TTC34: variants seen among roughly 807,000 people sequenced by gnomAD.
The protein encoded by TTC34 is tetratricopeptide repeat protein 34.
Under a neutral mutation model 40.7 loss-of-function variants are expected in TTC34, and 44 were observed. The observed-to-expected ratio is 1.08, with a 90% CI of 0.85 to 1.39. TTC34 has a LOEUF of 1.39. TTC34 is among the 40% of genes most tolerant of loss of function. The pLI, the probability that TTC34 is intolerant of heterozygous loss-of-function variation, is 0.00. For synonymous variants in TTC34, 422 were observed against 398.6 expected (o/e 1.06, Z -0.70); for missense variants, 884 against 838.0 (o/e 1.05, Z -0.68).
At chr1:2,801,215 A>C (rs368313790) in intron 1 of TTC34, among the ~76,000 whole-genome samples, 17 of 151,452 alleles carry the variant, frequency 1.1e-4, no homozygotes, top group African/African-American at 3.9e-4. Context: ...AGCAATAGGA[A>C]CCCCGGACCC....
chr1:2,653,393 T>C (rs1431607141), intron 6 of TTC34, among the ~76,000 whole-genome samples: 1 of 49,918 alleles, frequency 2.0e-5, no homozygotes, highest in Non-Finnish European at 4.3e-5. Flanking sequence ...TGACAGCATG[T>C]AACAGCACCC....
intron 7 of TTC34, 43 bp from the exon 8 acceptor site, chr1:2,644,521 C>T (rs1440900115): frequency 2.0e-6 from 3 of 1,509,760 alleles, no homozygotes; most frequent in East Asian, 2.5e-5. Flanking sequence ...TGGGGTTGGG[C>T]AGAGGTGCGA....
At chr1:2,652,426 C>G (rs1639174191) in intron 6 of TTC34, among the ~76,000 whole-genome samples, 2 of 152,062 alleles carry the variant, frequency 1.3e-5, no homozygotes, top group African/African-American at 2.4e-5. Flanking sequence ...CATCTGACAG[C>G]CTGGAACAGC....
At position 2,645,587 on chromosome 1, in the gene TTC34, G is replaced by GGGGGGGGCCCC; in HGVS notation, c.2227-25_2227-24insGGGGCCCCCCC. On this transcript the variant is annotated intron_variant, in intron 6 of 8. Transcript: ENST00000401095. The surrounding 1 kb of genome is among the most constrained non-coding windows in gnomAD (Gnocchi z 4.7). ...TCCTGCAAGGAGGGAGGGCGGGCGGGTGCAGAGTTGTCCTAAGTAGAGAAA... is the reference window on the plus strand; with the variant it reads ...TCCTGCAAGGAGGGAGGGCGGGCGGGGGGGGGGCCCCTGCAGAGTTGTCCTAAGTAGAGAAA... The GGGGGGGGCCCC allele has an allele frequency of 4.4e-6, 1 of 229,530 alleles. No individual in the cohort carries two copies. Among genetic ancestry groups the GGGGGGGGCCCC allele is most frequent in the Non-Finnish European group, 8.6e-6 (1 of 116,452 alleles). 14.2% of individuals were successfully genotyped at this position (229,530 alleles called of 1,614,324 possible). A position where few individuals can be genotyped will look rare whatever the true frequency, so the allele number is the denominator to read the frequency against.
intron 3 of TTC34, among the ~76,000 whole-genome samples, chr1:2,788,221 C>T (rs1175249870): frequency 1.3e-5 from 2 of 152,214 alleles, no homozygotes; most frequent in Non-Finnish European, 2.9e-5. Flanking sequence ...ATCAAAGCCA[C>T]GCAAATTAAA....
At chr1:2,767,775 G>C (rs1485197191) in intron 6 of TTC34, among the ~76,000 whole-genome samples, 1 of 146,920 alleles carries the variant, frequency 6.8e-6, no homozygotes, top group Non-Finnish European at 1.5e-5. Flanking sequence ...ACCCCCAGTT[G>C]AGCATCTGAC....
At chr1:2,761,338 C>G (rs1165865738) in intron 6 of TTC34, among the ~76,000 whole-genome samples, 5 of 72,318 alleles carry the variant, frequency 6.9e-5, no homozygotes, top group Admixed American at 1.3e-4. Flanking sequence ...AGGTGAGTAT[C>G]TGACAGCCTG....
exon 5 of TTC34, chr1:2,786,013 T>A: frequency 6.8e-7 from 1 of 1,468,596 alleles, no homozygotes; most frequent in Non-Finnish European, 9.1e-7. Flanking sequence ...CTGGACCAGC[T>A]TCTTCACCAA....
Position 2,681,604 on chromosome 1 carries a change from C to T in TTC34, c.2227-36041G>A, listed in dbSNP as rs1168389098. 6.6e-5 allele frequency among the ~76,000 whole-genome samples: 4 copies of T among 60,328 alleles called. 2 individuals are homozygous for T. Among genetic ancestry groups the T allele is most frequent in the Admixed American group, 3.5e-4 (2 of 5,720 alleles). The allele number at this position is 60,328 out of a possible 152,430, so 39.6% of individuals were successfully genotyped here. A position where few individuals can be genotyped will look rare whatever the true frequency, so the allele number is the denominator to read the frequency against. Reference sequence around the variant, plus strand: ...TCCACACCCACAGGTGAGCATCAGACAGCCTGGAACCGCAGCCACACCCCC... The same window carrying T: ...TCCACACCCACAGGTGAGCATCAGATAGCCTGGAACCGCAGCCACACCCCC... On this transcript the variant is annotated intron_variant, in intron 6 of 8. Coordinates refer to ENST00000401095, the Ensembl canonical transcript of TTC34.
rs1638993628 is a variant in TTC34, at chr1:2,645,137, A to C, written c.2497+156T>G. Reference sequence around the variant, plus strand: ...GAACGCCAGGCCTCACACAGGGAGCAGGGCCAGAGGTCATGGGATTTGGGG... The same window carrying C: ...GAACGCCAGGCCTCACACAGGGAGCCGGGCCAGAGGTCATGGGATTTGGGG... On this transcript the variant is annotated intron_variant, in intron 7 of 8. Coordinates refer to ENST00000401095, the Ensembl canonical transcript of TTC34. This position sits in a 1 kb window ranked among gnomAD's most constrained non-coding sequence, Gnocchi z 4.7. Among the ~76,000 whole-genome samples the C allele has an allele frequency of 6.6e-6, 1 of 152,204 alleles. No homozygotes were observed. The highest frequency in any genetic ancestry group is 2.1e-4 in the South Asian group (1 of 4,830).
At chr1:2,797,311 C>CTGGGGGGGTGG (rs761900936) in intron 2 of TTC34, among the ~76,000 whole-genome samples, 2 of 152,092 alleles carry the variant, frequency 1.3e-5, no homozygotes, top group African/African-American at 4.8e-5. Flanking sequence ...GGGATGGGGG[C>CTGGGGGGGTGG]TGGGGCACGA....
chr1:2,685,356 C>A (rs939914663), intron 6 of TTC34, among the ~76,000 whole-genome samples: 384 of 110,446 alleles, frequency 3.5e-3, no homozygotes, highest in Admixed American at 6.7e-3. Flanking sequence ...ACGGCACCCA[C>A]ACCCCTAGGT....
chr1:2,677,765 C>G (rs1245562123), intron 6 of TTC34, among the ~76,000 whole-genome samples: 1 of 128,758 alleles, frequency 7.8e-6, no homozygotes, highest in African/African-American at 2.8e-5. Context: ...TGGAACAGCA[C>G]CCACACCCCC....
chr1:2,748,812 C>A lies in TTC34; in HGVS notation c.2226+34797G>T, dbSNP rs1264765125. ...AGCGGAACCCACACCCACAGGCGAG[C>A]ATCTGACAGCCTCGGTCGGCACCCA... is the stretch of plus-strand genomic sequence containing the variant. On this transcript the variant is annotated intron_variant, in intron 6 of 8. Transcript: ENST00000401095. Among the ~76,000 whole-genome samples the A allele has an allele frequency of 8.4e-5, 12 of 143,340 alleles. 1 individual carries two copies. The highest frequency in any genetic ancestry group is 1.6e-4 in the Non-Finnish European group (11 of 66,742). The allele number at this position is 143,340 out of a possible 152,430, so 94.0% of individuals were successfully genotyped here. A position where few individuals can be genotyped will look rare whatever the true frequency, so the allele number is the denominator to read the frequency against.
intron 6 of TTC34, among the ~76,000 whole-genome samples, chr1:2,651,315 C>T (rs575809841): frequency 3.9e-4 from 60 of 152,134 alleles, no homozygotes; most frequent in Admixed American, 5.9e-4. Context: ...AACTCCACAC[C>T]GGCAGGTGAG....
intron 6 of TTC34, among the ~76,000 whole-genome samples, chr1:2,764,357 T>C (rs1641731264): frequency 7.0e-6 from 1 of 142,110 alleles, no homozygotes. Context: ...AGTGAGCAGG[T>C]GACAGCCTGG....
At chr1:2,752,812 C>T (rs1251030385) in intron 6 of TTC34, among the ~76,000 whole-genome samples, 5 of 139,764 alleles carry the variant, frequency 3.6e-5, no homozygotes, top group Non-Finnish European at 6.2e-5. Context: ...CAGCTCCCTG[C>T]ATCCCCAGGT....
chr1:2,779,015 G>A (rs559613935), intron 6 of TTC34, among the ~76,000 whole-genome samples: 2 of 152,294 alleles, frequency 1.3e-5, no homozygotes, highest in South Asian at 4.2e-4. Flanking sequence ...AAATCACACA[G>A]TGTTTGTCCT....
intron 6 of TTC34, among the ~76,000 whole-genome samples, chr1:2,652,650 G>T (rs1639188849): frequency 1.4e-5 from 2 of 146,054 alleles, no homozygotes; most frequent in Admixed American, 6.9e-5. Flanking sequence ...CACACCCCCA[G>T]GTGAGAACCT....
Sources: gnomAD v4.1 joint callset for allele counts (sites outside exome capture counted in the v4.1 genomes callset) on GRCh38, gnomAD v4.1.1 for gene constraint, Gnocchi (gnomAD v3.1) non-coding constraint, MANE v1.5 for transcripts, NCBI Gene and HGNC (gene_info 2026-07-23, HGNC 2026-07-21) for gene names.